Variants in GALNT17 observed in about 807,000 individuals in gnomAD.
GALNT17 encodes the protein polypeptide N-acetylgalactosaminyltransferase 17.
GALNT17 carries 29 observed loss-of-function variants against 63.7 expected under a neutral mutation model. The ratio of observed to expected loss-of-function variants is 0.46; its 90% CI spans 0.34 to 0.62. The LOEUF (loss-of-function observed/expected upper bound fraction) is 0.62, where lower values mean the gene tolerates loss of function less well. Among genes scored for constraint, GALNT17 ranks in the 20% least tolerant of loss-of-function variants. The pLI is 0.01. For missense variants in GALNT17, 603 were observed against 799.6 expected, an observed-to-expected ratio of 0.75 and a Z score of 2.97; for synonymous variants, 305 against 318.3, an observed-to-expected ratio of 0.96 and a Z score of 0.45.
chr7:71,416,966 C>G (rs1309087784), intron 4 of GALNT17, among the ~76,000 whole-genome samples: 2 of 152,056 alleles, frequency 1.3e-5, no homozygotes, highest in Non-Finnish European at 2.9e-5. Flanking sequence ...AGTGAGGCCA[C>G]AAAAATGCCA....
At chr7:71,705,801 C>CTCT (rs1791715190) in intron 9 of GALNT17, among the ~76,000 whole-genome samples, 1 of 152,116 alleles carries the variant, frequency 6.6e-6, no homozygotes, top group South Asian at 2.1e-4. Context: ...AAGTTGAAGC[C>CTCT]AGAACATTCT....
At chr7:71,253,249 G>T (rs1295391977) in intron 1 of GALNT17, among the ~76,000 whole-genome samples, 1 of 152,170 alleles carries the variant, frequency 6.6e-6, no homozygotes, top group Non-Finnish European at 1.5e-5. Context: ...CCCCGTGGCT[G>T]GGGAGGCCTT....
chr7:71,564,062 T>C (rs1438447026), intron 5 of GALNT17, among the ~76,000 whole-genome samples: 1 of 151,952 alleles, frequency 6.6e-6, no homozygotes, highest in African/African-American at 2.4e-5. Flanking sequence ...TCCACAATGA[T>C]CCAGTTAGAC....
intron 1 of GALNT17, among the ~76,000 whole-genome samples, chr7:71,162,677 C>T (rs919715161): frequency 6.6e-6 from 1 of 152,124 alleles, no homozygotes; most frequent in Non-Finnish European, 1.5e-5. Context: ...TTACTGAACA[C>T]CCAGTATGTG....
intron 5 of GALNT17, among the ~76,000 whole-genome samples, chr7:71,492,119 A>G (rs1372844198): frequency 6.6e-6 from 1 of 152,240 alleles, no homozygotes; most frequent in East Asian, 1.9e-4. Context: ...GTCTCTACTA[A>G]AAATACAAAA....
chr7:71,704,551 C>T (rs1324840924), intron 9 of GALNT17, among the ~76,000 whole-genome samples: 2 of 146,826 alleles, frequency 1.4e-5, no homozygotes, highest in Admixed American at 1.4e-4. Context: ...ATTCAAGGGA[C>T]ACAAAATAGC....
intron 1 of GALNT17, among the ~76,000 whole-genome samples, chr7:71,185,080 C>T (rs1488930397): frequency 7.1e-6 from 1 of 140,162 alleles, no homozygotes; most frequent in African/African-American, 2.9e-5. Context: ...TTTTTCTCCT[C>T]CTCCTTCCTT....
At chr7:71,516,194 G>T (rs1201719809) in intron 5 of GALNT17, among the ~76,000 whole-genome samples, 1 of 152,102 alleles carries the variant, frequency 6.6e-6, no homozygotes, top group Non-Finnish European at 1.5e-5. Context: ...GGTGAAGGAG[G>T]CCATTTGGGG....
intron 5 of GALNT17, among the ~76,000 whole-genome samples, chr7:71,554,821 C>G (rs1184408306): frequency 6.6e-6 from 1 of 152,254 alleles, no homozygotes; most frequent in African/African-American, 2.4e-5. Flanking sequence ...TCTGTCTCTT[C>G]TGTCTCCAGA....
chr7:71,657,733 A>G lies in GALNT17; in HGVS notation c.1081-7678A>G, dbSNP rs146535059. Among the ~76,000 whole-genome samples the G allele has an allele frequency of 5.7e-3, 872 of 152,346 alleles. 6 individuals carry two copies. Among genetic ancestry groups the G allele is most frequent in the African/African-American group, 0.02 (844 of 41,584 alleles). Reference sequence around the variant, plus strand: ...TGGTGGCTCTCAAATGTGGCTACACATCTCAATCCCATGGGGGGCCTTTTT... The same window carrying G: ...TGGTGGCTCTCAAATGTGGCTACACGTCTCAATCCCATGGGGGGCCTTTTT... On this transcript the variant is annotated intron_variant, in intron 6 of 10. Coordinates refer to ENST00000333538, the MANE Select transcript of GALNT17 (RefSeq NM_022479.3).
chr7:71,158,405 T>G (rs1788276573), intron 1 of GALNT17, among the ~76,000 whole-genome samples: 1 of 151,450 alleles, frequency 6.6e-6, no homozygotes. Context: ...CTTTTTTTTT[T>G]GTTTTTTGAG....
chr7:71,171,954 A>C (rs1156236768), intron 1 of GALNT17, among the ~76,000 whole-genome samples: 1 of 151,966 alleles, frequency 6.6e-6, no homozygotes, highest in Non-Finnish European at 1.5e-5. Context: ...GAAAGGATGC[A>C]CCCTCCCACC....
intron 1 of GALNT17, among the ~76,000 whole-genome samples, chr7:71,202,977 T>C (rs1002514177): frequency 5.3e-5 from 8 of 152,194 alleles, no homozygotes; most frequent in Non-Finnish European, 5.9e-5. Context: ...ATAGTGGGTA[T>C]ATGTATACAC....
chr7:71,491,435 C>A (rs1788005727), intron 5 of GALNT17, among the ~76,000 whole-genome samples: 1 of 152,156 alleles, frequency 6.6e-6, no homozygotes, highest in African/African-American at 2.4e-5. Flanking sequence ...CGAGGTCCAT[C>A]ATGGCAGGGA....
intron 2 of GALNT17, among the ~76,000 whole-genome samples, chr7:71,363,878 G>A (rs1028632652): frequency 3.9e-5 from 6 of 152,164 alleles, no homozygotes; most frequent in African/African-American, 7.2e-5. Context: ...TTGATTGGCC[G>A]AAACTCAGTG....
chr7:71,565,901 T>C (rs1221528968), intron 5 of GALNT17, among the ~76,000 whole-genome samples: 2 of 148,910 alleles, frequency 1.3e-5, no homozygotes, highest in Admixed American at 1.4e-4. Flanking sequence ...TGGAGTGCAG[T>C]GGTGTGATCT....
chr7:71,479,036 C>T (rs909275669), intron 5 of GALNT17, among the ~76,000 whole-genome samples: 13 of 152,308 alleles, frequency 8.5e-5, no homozygotes, highest in African/African-American at 2.9e-4. Flanking sequence ...CTTGGCACTT[C>T]GCAGTTTTGT....
chr7:71,139,278 G>T (rs1436229373), intron 1 of GALNT17, among the ~76,000 whole-genome samples: 1 of 152,080 alleles, frequency 6.6e-6, no homozygotes, highest in Non-Finnish European at 1.5e-5. Context: ...AGCTTCACTT[G>T]CCCCTCGCAG....
chr7:71,649,540 A>G (rs1422866782), intron 6 of GALNT17, among the ~76,000 whole-genome samples: 1 of 150,844 alleles, frequency 6.6e-6, no homozygotes, highest in Non-Finnish European at 1.5e-5. Flanking sequence ...AAGAAACTGT[A>G]TGCCTGTCCT....
Sources: allele counts gnomAD v4.1 joint callset (sites outside exome capture counted in the v4.1 genomes callset), GRCh38; gene constraint gnomAD v4.1.1; transcripts MANE v1.5; gene names NCBI Gene and HGNC (gene_info 2026-07-23, HGNC 2026-07-21).